PANK1: variants seen among roughly 807,000 people sequenced by gnomAD.
The protein encoded by PANK1 is pantothenate kinase 1.
PANK1 carries 18 observed loss-of-function variants against 40.1 expected under a neutral mutation model. That is an observed-to-expected ratio of 0.45 (90% CI 0.31 to 0.67). The LOEUF is 0.67. Ranked by LOEUF, PANK1 falls within the 30% of genes least tolerant of loss-of-function variation. PANK1 has a pLI of 0.06. For synonymous variants in PANK1, 242 were observed against 237.7 expected, an observed-to-expected ratio of 1.02 and a Z score of -0.17; for missense variants, 457 against 599.6, an observed-to-expected ratio of 0.76 and a Z score of 2.48.
At chr10:89,639,974 T>C (rs1841926222) in intron 1 of PANK1, among the ~76,000 whole-genome samples, 1 of 152,220 alleles carries the variant, frequency 6.6e-6, no homozygotes, top group African/African-American at 2.4e-5. Context: ...GAACACACTT[T>C]TTTTTCCCAA....
At chr10:89,584,660 G>A (rs1844139794) in intron 6 of PANK1, among the ~76,000 whole-genome samples, 195 bp from the exon 7 acceptor site, 1 of 152,202 alleles carries the variant, frequency 6.6e-6, no homozygotes, top group South Asian at 2.1e-4. Flanking sequence ...ATTCACATAT[G>A]TAAATGCTTA....
At position 89,599,292 on chromosome 10, in the gene PANK1, C is replaced by A; in HGVS notation, c.859G>T (p.Val287Leu). 1 of 1,613,766 alleles carries A rather than the reference C, an allele frequency of 6.2e-7. No individual in the cohort carries two copies. Among genetic ancestry groups the A allele is most frequent in the Non-Finnish European group, 8.5e-7 (1 of 1,179,676 alleles). ...CTTTTATAGTTGTCCTTGGAGTACA[C>A]GGCTAGAATGCTGACACCTGAGCCC... ...NMGSGVSILA[V>L]YSKDNYKRVT... The change falls in exon 3 of 7, where the codon GTG (valine) becomes TTG (leucine). Residue 287 changes from valine to leucine, a missense_variant. Val to Leu is a conservative substitution (Grantham distance 32). Transcript: ENST00000307534.
chr10:89,633,002 C>T (rs1841696015), intron 1 of PANK1, among the ~76,000 whole-genome samples: 1 of 152,156 alleles, frequency 6.6e-6, no homozygotes, highest in South Asian at 2.1e-4. Flanking sequence ...ATTAGTATTA[C>T]TGATACCTGC....
chr10:89,633,576 T>C lies in PANK1; in HGVS notation c.292+11024A>G, dbSNP rs1261434629. Among the ~76,000 whole-genome samples the C allele has an allele frequency of 2.6e-5, 4 of 152,116 alleles. No homozygotes were observed. In the East Asian group the frequency reaches 7.7e-4, roughly 29 times the overall value. ...ACATAGGTAGTTGGGAGAGTATGAATAGTAAACAGGTTCCACTAATGTTCA... is the reference window on the plus strand; with the variant it reads ...ACATAGGTAGTTGGGAGAGTATGAACAGTAAACAGGTTCCACTAATGTTCA... On this transcript the variant is annotated intron_variant, in intron 1 of 6. Transcript: ENST00000307534.
At chr10:89,601,727 C>T (rs1844791878) in intron 2 of PANK1, among the ~76,000 whole-genome samples, 1 of 152,162 alleles carries the variant, frequency 6.6e-6, no homozygotes, top group Non-Finnish European at 1.5e-5. Context: ...AAATCTACCT[C>T]ATAAATGGTT....
chr10:89,593,215 C>A lies in PANK1; in HGVS notation c.1182G>T (p.Arg394=). 1 of 1,613,822 alleles carries A rather than the reference C, an allele frequency of 6.2e-7. No individual in the cohort carries two copies. Among genetic ancestry groups the A allele is most frequent in the South Asian group, 1.1e-5 (1 of 91,064 alleles). The part of the protein sequence containing the change: ...TITNNIGSIA[R]MCALNENIDR... ...GCCTTACCTCATTCAACGCGCACAT[C>A]CGAGCAATGGAGCCAATGTTGTTGG... is the stretch of plus-strand genomic sequence containing the variant. Residue 394 remains arginine, a synonymous_variant, in exon 5 of 7, where the codon CGG becomes CGT. Coordinates refer to ENST00000307534, the MANE Select transcript of PANK1 (RefSeq NM_148977.3).
chr10:89,625,560 A>C (rs539792133), intron 1 of PANK1: 1 of 152,210 alleles, frequency 6.6e-6, no homozygotes, highest in Admixed American at 6.5e-5. Context: ...TTCCTCCATA[A>C]AGAGGTTAGC....
In PANK1 at chr10:89,611,922, A is replaced by C; in HGVS notation, c.419T>G (p.Leu140Trp). ...TTTCCCATAAGCAGTATTAGAAGTC[A>C]AATACTTCCGGATGCTCTTCAGGTT... ...VENLKSIRKY[L>W]TSNTAYGKTG... Residue 140 changes from leucine to tryptophan, a missense_variant, in exon 2 of 7, where the codon TTG (leucine) becomes TGG (tryptophan). By Grantham distance (61) the Leu-to-Trp change is moderately conservative. Coordinates refer to ENST00000307534, the MANE Select transcript of PANK1 (RefSeq NM_148977.3). 1 of 1,614,046 alleles carries C rather than the reference A, an allele frequency of 6.2e-7. No individual in the cohort carries two copies. The highest frequency in any genetic ancestry group is 8.5e-7 in the Non-Finnish European group (1 of 1,179,896).
At chr10:89,615,015 T>C (rs1845274828) in intron 1 of PANK1, among the ~76,000 whole-genome samples, 1 of 152,018 alleles carries the variant, frequency 6.6e-6, no homozygotes, top group Non-Finnish European at 1.5e-5. Flanking sequence ...TATGAGCCTG[T>C]AGAAAAGCAT....
At position 89,644,844 on chromosome 10, in the gene PANK1, T is replaced by C. The variant is rs1299318751; in HGVS notation, c.48A>G (p.Pro16=). ...CGGCGCTGGTGCCCACGGGGGCCCC[T>C]GGAGAGTGCGGGACCGAGCGCTCCT... is the stretch of plus-strand genomic sequence containing the variant. ...GQQERSVPHS[P]GAPVGTSAAA... Residue 16 remains proline, a synonymous_variant, in exon 1 of 7, where the codon CCA becomes CCG. Transcript: ENST00000307534. 7.5e-6 allele frequency: 11 copies of C among 1,472,056 alleles called. No homozygotes were observed. Among genetic ancestry groups the C allele is most frequent in the African/African-American group, 3.0e-5 (2 of 66,946 alleles). 91.2% of individuals were successfully genotyped at this position (1,472,056 alleles called of 1,614,324 possible).
intron 1 of PANK1, chr10:89,643,748 C>T: frequency 1.2e-6 from 2 of 1,613,532 alleles, no homozygotes; most frequent in Non-Finnish European, 1.7e-6. Flanking sequence ...AAAGAAGTAA[C>T]CAGTTGAATG....
intron 1 of PANK1, chr10:89,643,760 G>A: frequency 1.2e-6 from 2 of 1,612,488 alleles, no homozygotes; most frequent in Non-Finnish European, 1.7e-6. Flanking sequence ...AGTTGAATGA[G>A]CTTCAGTCAA....
intron 6 of PANK1, among the ~76,000 whole-genome samples, chr10:89,586,182 C>A (rs764393741): frequency 1.3e-5 from 2 of 152,188 alleles, no homozygotes; most frequent in Non-Finnish European, 2.9e-5. Context: ...CCAAGAAGAT[C>A]TGGACTTATG....
At chr10:89,586,173 CAAG>C (rs1228847316) in intron 6 of PANK1, among the ~76,000 whole-genome samples, 1 of 152,064 alleles carries the variant, frequency 6.6e-6, no homozygotes, top group Non-Finnish European at 1.5e-5. Context: ...TGCATTAGGC[CAAG>C]AAGATCTGGA....
At chr10:89,642,805 A>G (rs1326393259) in intron 1 of PANK1, among the ~76,000 whole-genome samples, 1 of 152,246 alleles carries the variant, frequency 6.6e-6, no homozygotes, top group Non-Finnish European at 1.5e-5. Flanking sequence ...CAAATCTGAG[A>G]GAAGAAAACA....
chr10:89,597,226 A>C (rs1196578794), intron 3 of PANK1, among the ~76,000 whole-genome samples: 2 of 152,186 alleles, frequency 1.3e-5, no homozygotes, highest in African/African-American at 4.8e-5. Flanking sequence ...ACTCATACTA[A>C]CCATAGATAC....
intron 6 of PANK1, among the ~76,000 whole-genome samples, chr10:89,588,324 T>C (rs138944403): frequency 6.6e-6 from 1 of 152,302 alleles, no homozygotes; most frequent in African/African-American, 2.4e-5. Flanking sequence ...ATCTTTTGGG[T>C]AAGTATTCAG....
At chr10:89,636,070 T>C (rs1254684511) in intron 1 of PANK1, among the ~76,000 whole-genome samples, 1 of 152,202 alleles carries the variant, frequency 6.6e-6, no homozygotes, top group East Asian at 1.9e-4. Flanking sequence ...CCTGTGGCTC[T>C]CCTGGCTAGT....
chr10:89,643,380 A>C (rs1001928600), intron 1 of PANK1, among the ~76,000 whole-genome samples: 4 of 152,344 alleles, frequency 2.6e-5, no homozygotes, highest in Non-Finnish European at 4.4e-5. Flanking sequence ...ACACCTTACA[A>C]CTGTAGCCAA....
Sources: allele counts gnomAD v4.1 joint callset (sites outside exome capture counted in the v4.1 genomes callset), GRCh38; gene constraint gnomAD v4.1.1; transcripts MANE v1.5; gene names NCBI Gene and HGNC (gene_info 2026-07-23, HGNC 2026-07-21).